Variants in ARHGAP23 observed in about 807,000 individuals in gnomAD.
ARHGAP23 encodes the protein rho GTPase-activating protein 23.
In ARHGAP23, 34 loss-of-function variants were observed where a neutral mutation model predicts 136.3. The observed-to-expected ratio is 0.25, with a 90% CI of 0.19 to 0.33. The LOEUF (loss-of-function observed/expected upper bound fraction) is 0.33, where lower values mean the gene tolerates loss of function less well. Ranked by LOEUF, ARHGAP23 falls within the 10% of genes least tolerant of loss-of-function variation. The probability of loss-of-function intolerance (pLI) is 1.00; values close to 1 mark genes in which losing one functional copy is unlikely to be tolerated. For synonymous variants in ARHGAP23, 832 were observed against 920.5 expected, an observed-to-expected ratio of 0.90 and a Z score of 1.74; for missense variants, 1,808 against 2,139.0, an observed-to-expected ratio of 0.85 and a Z score of 3.05.
intron 15 of ARHGAP23, 111 bp downstream of exon 15, chr17:38,482,254 G>A: frequency 1.3e-6 from 2 of 1,492,262 alleles, no homozygotes; most frequent in Non-Finnish European, 1.8e-6. Flanking sequence ...TACAAACACA[G>A]CTGGGAAAAC....
intron 5 of ARHGAP23, 53 bp downstream of exon 5, chr17:38,463,249 G>A: frequency 6.4e-7 from 1 of 1,550,930 alleles, no homozygotes; most frequent in Non-Finnish European, 8.7e-7. Flanking sequence ...CTTTGCCCTG[G>A]GGATGCCCTG....
At position 38,490,528 on chromosome 17, in the gene ARHGAP23, G is replaced by A. The variant is rs2144752594; in HGVS notation, c.3127G>A (p.Ala1043Thr). Residue 1043 changes from alanine (A) to threonine (T), a missense_variant, in exon 19 of 24, where the codon GCT becomes ACT. By Grantham distance (58) the Ala-to-Thr change is moderately conservative. Transcript: ENST00000622683. The stretch of plus-strand genomic sequence containing the variant: ...CCTTGTGGGCCATCTCAAGACCATC[G>A]CTGACCACTCTGAGAAAAACAAGGT... ...KFLVGHLKTI[A>T]DHSEKNKMEP... 1 of 1,548,598 alleles carries A rather than the reference G, an allele frequency of 6.5e-7. No homozygotes were observed. The highest frequency in any genetic ancestry group is 8.7e-7 in the Non-Finnish European group (1 of 1,145,990).
chr17:38,500,183 G>C, intron 22 of ARHGAP23: 1 of 216,878 alleles, frequency 4.6e-6, no homozygotes, highest in Non-Finnish European at 9.2e-6. Context: ...TTTCTCCAGA[G>C]CATCTGTGAT....
intron 20 of ARHGAP23, chr17:38,491,869 G>C: frequency 1.3e-5 from 4 of 318,740 alleles, no homozygotes; most frequent in Non-Finnish European, 2.4e-5. Flanking sequence ...AGCTTCAGAA[G>C]TTGGCCCCTG....
intron 1 of ARHGAP23, among the ~76,000 whole-genome samples, chr17:38,421,444 G>A (rs944953865): frequency 6.6e-6 from 1 of 152,174 alleles, no homozygotes; most frequent in Non-Finnish European, 1.5e-5. Context: ...TGGATGCACC[G>A]GAAGCGTGGT....
At chr17:38,501,115 A>C (rs2144794225) in intron 23 of ARHGAP23, 1 of 153,016 alleles carries the variant, frequency 6.5e-6, no homozygotes, top group East Asian at 1.9e-4. Flanking sequence ...GAGGAGCAGA[A>C]ATCCATGAAA....
intron 2 of ARHGAP23, among the ~76,000 whole-genome samples, chr17:38,460,229 G>C (rs2039425441): frequency 6.6e-6 from 1 of 152,164 alleles, no homozygotes; most frequent in South Asian, 2.1e-4. Flanking sequence ...CCAGGTGCCA[G>C]AATCCTCTCC....
rs1403898567 is a variant in ARHGAP23 at position 38,466,882 on chromosome 17, C to T, written c.1199C>T (p.Pro400Leu). ...PACPTRDLPG[P>L]QAPPPSGLQG... ...TGCCCAACTCGGGACCTGCCAGGGC[C>T]CCAGGCCCCACCCCCGTCTGGCCTG... Residue 400 changes from proline (P) to leucine (L), a missense_variant, in exon 7 of 24, where the codon CCC becomes CTC. Transcript: ENST00000622683. 6.5e-7 allele frequency: 1 copy of T among 1,550,092 alleles called. No individual in the cohort carries two copies. The highest frequency in any genetic ancestry group is 2.4e-5 in the East Asian group (1 of 40,916).
intron 12 of ARHGAP23, among the ~76,000 whole-genome samples, chr17:38,478,620 A>G (rs974813107): frequency 1.3e-5 from 2 of 152,028 alleles, no homozygotes; most frequent in Admixed American, 1.3e-4. Flanking sequence ...TGTGTTAGCC[A>G]GGATGGTCTT....
At chr17:38,439,358 T>C (rs2038871467) in intron 1 of ARHGAP23, among the ~76,000 whole-genome samples, 1 of 152,158 alleles carries the variant, frequency 6.6e-6, no homozygotes, top group Non-Finnish European at 1.5e-5. Context: ...CTCAAATATA[T>C]GGCGACTTCC....
At chr17:38,479,719 G>A in intron 13 of ARHGAP23, 34 bp from the exon 14 acceptor site, 1 of 1,464,866 alleles carries the variant, frequency 6.8e-7, no homozygotes. Flanking sequence ...CACCCCAAAT[G>A]AAGACCTCTC....
intron 11 of ARHGAP23, among the ~76,000 whole-genome samples, chr17:38,472,269 C>T (rs1298507275): frequency 1.3e-5 from 2 of 152,176 alleles, no homozygotes; most frequent in Non-Finnish European, 2.9e-5. Flanking sequence ...CCATCCCACA[C>T]GGGCCCTGGC....
In ARHGAP23 at chr17:38,510,904, G is replaced by A. The variant is rs2040750212; in HGVS notation, c.4408G>A (p.Asp1470Asn). 3 of 1,491,030 alleles carry A rather than the reference G, an allele frequency of 2.0e-6. No homozygotes were observed. The highest frequency in any genetic ancestry group is 1.8e-6 in the Non-Finnish European group (2 of 1,129,318). The allele number at this position is 1,491,030 out of a possible 1,614,324, so 92.4% of individuals were successfully genotyped here. Residue 1470 changes from aspartate (D) to asparagine (N), a missense_variant, in exon 24 of 24, where the codon GAC (aspartate) becomes AAC (asparagine). Physicochemically the swap from Asp to Asn is conservative, Grantham distance 23. Around this residue, in one of 7 missense-constraint regions of ARHGAP23, gnomAD observed 506 missense variants for 455.8 expected, o/e 1.11. Transcript: ENST00000622683. This position sits in a 1 kb window ranked among gnomAD's most constrained non-coding sequence, Gnocchi z 4.6. ...TGCCTCGCAGCCGCCCGCGCCCGGGGACACGGGGTCCCTGCAGAGCCAGCC... is the reference window on the plus strand; with the variant it reads ...TGCCTCGCAGCCGCCCGCGCCCGGGAACACGGGGTCCCTGCAGAGCCAGCC... Reference protein sequence around the residue: ...SAASQPPAPGDTGSLQSQPPR... With the variant: ...SAASQPPAPGNTGSLQSQPPR...
At chr17:38,432,761 C>T (rs2038712805) in intron 1 of ARHGAP23, among the ~76,000 whole-genome samples, 1 of 151,862 alleles carries the variant, frequency 6.6e-6, no homozygotes, top group African/African-American at 2.4e-5. Flanking sequence ...CTGGGGGGTT[C>T]GAGTCTGCAG....
upstream of ARHGAP23, among the ~76,000 whole-genome samples, chr17:38,425,998 C>G (rs1358019550): frequency 6.6e-6 from 1 of 152,028 alleles, no homozygotes; most frequent in African/African-American, 2.4e-5. Flanking sequence ...CTCACCCCCT[C>G]CTGCGGGGTC....
chr17:38,466,834 G>A lies in ARHGAP23; in HGVS notation c.1151G>A (p.Arg384His), dbSNP rs1324579437. The change falls in exon 7 of 24, where the codon CGT becomes CAT. Residue 384 changes from arginine to histidine, a missense_variant. Transcript: ENST00000622683. ...GAGCGGTGTGGCTGGGCTTCCCAGC[G>A]TTCGTCTGCCCGCACCCCCGCCTGC... The part of the protein sequence containing the change: ...RFERCGWASQ[R>H]SSARTPACPT... 11 of 1,548,646 alleles carry A rather than the reference G, an allele frequency of 7.1e-6. No individual in the cohort carries two copies. The Admixed American group carries it at 7.8e-5, about 11-fold the overall frequency.
chr17:38,469,358 C>G, intron 8 of ARHGAP23, 59 bp downstream of exon 8: 1 of 1,501,932 alleles, frequency 6.7e-7, no homozygotes, highest in Non-Finnish European at 8.9e-7. Context: ...TCCCAGGGGT[C>G]TCTGTTGGGC....
chr17:38,453,412 CGT>C (rs1331041943), intron 1 of ARHGAP23, among the ~76,000 whole-genome samples: 3 of 130,560 alleles, frequency 2.3e-5, no homozygotes, highest in Non-Finnish European at 4.8e-5. Flanking sequence ...GATGCGCGCG[CGT>C]ATGCGTGCGT....
At chr17:38,506,706 A>G (rs1597854807) in intron 23 of ARHGAP23, among the ~76,000 whole-genome samples, 1 of 152,296 alleles carries the variant, frequency 6.6e-6, no homozygotes, top group East Asian at 1.9e-4. Flanking sequence ...CACTAATCCC[A>G]TCAAAAGGTC....
Sources: allele counts gnomAD v4.1 joint callset (sites outside exome capture counted in the v4.1 genomes callset), GRCh38; gene constraint gnomAD v4.1.1; regional missense constraint gnomAD v4.1.1; non-coding constraint Gnocchi (gnomAD v3.1); transcripts MANE v1.5; gene names NCBI Gene and HGNC (gene_info 2026-07-23, HGNC 2026-07-21).